PTPRN2: variants seen among roughly 807,000 people sequenced by gnomAD.
The protein encoded by PTPRN2 is receptor-type tyrosine-protein phosphatase N2.
PTPRN2 carries 74 observed loss-of-function variants against 118.8 expected under a neutral mutation model. That is an observed-to-expected ratio of 0.62 (90% CI 0.52 to 0.76). The LOEUF is 0.76. PTPRN2 is among the 30% of genes least tolerant of loss of function. The pLI, the probability that PTPRN2 is intolerant of heterozygous loss-of-function variation, is 0.00. For missense variants in PTPRN2, 1,481 were observed against 1,394.4 expected, an observed-to-expected ratio of 1.06 and a Z score of -0.99; for synonymous variants, 641 against 608.0, an observed-to-expected ratio of 1.05 and a Z score of -0.80.
chr7:158,470,634 T>C (rs973505716), intron 2 of PTPRN2, among the ~76,000 whole-genome samples: 7 of 152,186 alleles, frequency 4.6e-5, no homozygotes, highest in African/African-American at 1.7e-4. Flanking sequence ...CTCCTTGTTG[T>C]ACCCTTTCCG....
intron 12 of PTPRN2, among the ~76,000 whole-genome samples, chr7:157,722,322 G>A (rs1387284711): frequency 1.3e-5 from 2 of 152,258 alleles, no homozygotes; most frequent in East Asian, 3.8e-4. Context: ...ATCCCGCCAG[G>A]GAGGGGAGGC....
At chr7:157,897,666 T>C (rs1378898537) in intron 12 of PTPRN2, among the ~76,000 whole-genome samples, 1 of 152,204 alleles carries the variant, frequency 6.6e-6, no homozygotes, top group Non-Finnish European at 1.5e-5. Context: ...AGGCTCTGCA[T>C]GGGAAGCGCA....
chr7:157,975,948 C>A (rs755577099), intron 11 of PTPRN2, among the ~76,000 whole-genome samples: 1 of 152,050 alleles, frequency 6.6e-6, no homozygotes, highest in Non-Finnish European at 1.5e-5. Flanking sequence ...GCAGTGTGGC[C>A]GAGGTGGGGT....
At chr7:158,012,307 G>T (rs780266287) in intron 11 of PTPRN2, among the ~76,000 whole-genome samples, 1 of 151,972 alleles carries the variant, frequency 6.6e-6, no homozygotes, top group Non-Finnish European at 1.5e-5. Flanking sequence ...ATGACACGAC[G>T]CTGGCTTTAC....
intron 1 of PTPRN2, among the ~76,000 whole-genome samples, chr7:158,556,855 A>AGCTCCCGGGCAGGTCAGGCG (rs1827044808): frequency 9.7e-6 from 1 of 103,490 alleles, no homozygotes; most frequent in African/African-American, 3.8e-5. Flanking sequence ...CAGGTCAGAC[A>AGCTCCCGGGCAGGTCAGGCG]GCTCCCGGGC....
chr7:158,166,890 G>A (rs1823060432), intron 6 of PTPRN2, 41 bp downstream of exon 6: 3 of 1,420,688 alleles, frequency 2.1e-6, no homozygotes, highest in Non-Finnish European at 2.8e-6. Flanking sequence ...CTGGACAGAG[G>A]ACAGTCAGCA....
intron 3 of PTPRN2, among the ~76,000 whole-genome samples, chr7:158,245,188 CCGTGGT>C (rs1563029930): frequency 1.7e-4 from 17 of 100,276 alleles, no homozygotes; most frequent in African/African-American, 6.5e-4. Context: ...ATGCCGGAAT[CCGTGGT>C]CATGCTGGAA....
At chr7:157,853,125 C>T (rs567596092) in intron 12 of PTPRN2, among the ~76,000 whole-genome samples, 72 of 152,102 alleles carry the variant, frequency 4.7e-4, no homozygotes, top group African/African-American at 4.6e-4. Context: ...TGTACTCACA[C>T]GGATGCGATG....
At position 157,656,230 on chromosome 7, in the gene PTPRN2, G is replaced by A. The variant is rs995635966; in HGVS notation, c.2196+127C>T. 8 of 936,176 alleles carry A rather than the reference G, an allele frequency of 8.5e-6. No individual in the cohort carries two copies. The South Asian group carries it at 1.4e-4, about 17-fold the overall frequency. 58.0% of individuals were successfully genotyped at this position (936,176 alleles called of 1,614,324 possible). On this transcript the variant is annotated intron_variant, in intron 14 of 22. Transcript: ENST00000389418. ...AGAGCCCTGCCTGTCAGCCTCTGCA[G>A]CGGGCAGGGTGCAGCCATCATCGCC...
intron 2 of PTPRN2, among the ~76,000 whole-genome samples, chr7:158,341,393 C>T (rs1255761684): frequency 6.7e-6 from 1 of 149,312 alleles, no homozygotes; most frequent in African/African-American, 2.5e-5. Flanking sequence ...ACACTCTCAC[C>T]ATAAGAGCTG....
intron 1 of PTPRN2, among the ~76,000 whole-genome samples, chr7:158,520,296 G>A (rs1823886757): frequency 6.6e-6 from 1 of 152,216 alleles, no homozygotes; most frequent in Non-Finnish European, 1.5e-5. Context: ...GGAAGGTGTG[G>A]AAAGGAGAGT....
chr7:158,109,917 A>G (rs563845491), intron 10 of PTPRN2, among the ~76,000 whole-genome samples: 57 of 151,842 alleles, frequency 3.8e-4, no homozygotes, highest in African/African-American at 1.3e-3. Flanking sequence ...AGAGTCAGTG[A>G]GTGAATGACG....
intron 11 of PTPRN2, among the ~76,000 whole-genome samples, chr7:158,063,707 A>C (rs1415125463): frequency 6.6e-6 from 1 of 152,192 alleles, no homozygotes; most frequent in Non-Finnish European, 1.5e-5. Flanking sequence ...AATACATCCA[A>C]ACATTAGAAG....
chr7:158,445,733 G>T (rs1817679156), intron 2 of PTPRN2, among the ~76,000 whole-genome samples: 2 of 152,216 alleles, frequency 1.3e-5, no homozygotes, highest in African/African-American at 4.8e-5. Flanking sequence ...AGGAGACCCT[G>T]AGAGGGCGCT....
chr7:158,091,001 A>T (rs1375798387), intron 10 of PTPRN2, among the ~76,000 whole-genome samples: 1 of 152,244 alleles, frequency 6.6e-6, no homozygotes, highest in Non-Finnish European at 1.5e-5. Context: ...AATGAAGAAG[A>T]TGAACAAATC....
chr7:157,731,780 A>G (rs773297013), intron 12 of PTPRN2, among the ~76,000 whole-genome samples: 892 of 18,398 alleles, frequency 0.048, 32 homozygotes, highest in African/African-American at 0.15. Context: ...ACTCTTTTCC[A>G]CCCCATGCGC....
At chr7:158,236,146 C>T (rs147224023) in intron 3 of PTPRN2, among the ~76,000 whole-genome samples, 1 of 152,198 alleles carries the variant, frequency 6.6e-6, no homozygotes, top group East Asian at 1.9e-4. Flanking sequence ...ATCGTCCTTG[C>T]CATTGCTGGC....
At chr7:158,338,465 A>T (rs1362227276) in intron 2 of PTPRN2, among the ~76,000 whole-genome samples, 1 of 46,566 alleles carries the variant, frequency 2.1e-5, no homozygotes, top group Non-Finnish European at 4.0e-5. Flanking sequence ...ATAAGAGGTG[A>T]CACATGCAGA....
In PTPRN2 at chr7:158,145,275, C is replaced by T. The variant is rs373941426; in HGVS notation, c.911-6760G>A. 4.0e-3 allele frequency among the ~76,000 whole-genome samples: 493 copies of T among 122,010 alleles called. 11 individuals carry two copies. Among genetic ancestry groups the T allele is most frequent in the African/African-American group, 0.016 (446 of 27,596 alleles). 80.0% of individuals were successfully genotyped at this position (122,010 alleles called of 152,430 possible). A position where few individuals can be genotyped will look rare whatever the true frequency, so the allele number is the denominator to read the frequency against. On this transcript the variant is annotated intron_variant, in intron 6 of 22. Coordinates refer to ENST00000389418, the MANE Select transcript of PTPRN2 (RefSeq NM_002847.5). ...TGGCAAGACTTCCCTCACATCATCG[C>T]GAGAAGGTTCCAGAATACCACAGCT...
Sources: gnomAD v4.1 joint callset for allele counts (sites outside exome capture counted in the v4.1 genomes callset) on GRCh38, gnomAD v4.1.1 for gene constraint, MANE v1.5 for transcripts, NCBI Gene and HGNC (gene_info 2026-07-23, HGNC 2026-07-21) for gene names.